The following DYTN variants were observed in gnomAD, a reference collection of about 807,000 sequenced individuals.
DYTN encodes the protein dystrotelin.
Under a neutral mutation model 69.6 loss-of-function variants are expected in DYTN, and 75 were observed. The observed-to-expected ratio is 1.08, with a 90% CI of 0.89 to 1.31. The LOEUF (loss-of-function observed/expected upper bound fraction) is 1.31. Among genes scored for constraint, DYTN ranks in the 50% most tolerant of loss-of-function variants. DYTN has a pLI of 0.00. For synonymous variants in DYTN, 252 were observed against 249.1 expected (o/e 1.01, Z -0.11); for missense variants, 726 against 688.4 (o/e 1.05, Z -0.61).
chr2:206,690,378 C>T (rs960958745), intron 9 of DYTN, among the ~76,000 whole-genome samples: 2 of 152,112 alleles, frequency 1.3e-5, no homozygotes, highest in African/African-American at 4.8e-5. Flanking sequence ...TAGGGCCAGG[C>T]TAAAGGCCAC....
At chr2:206,671,108 G>C (rs116437283) in intron 9 of DYTN, among the ~76,000 whole-genome samples, 1,918 of 152,160 alleles carry the variant, frequency 0.013, 45 homozygotes, top group African/African-American at 0.044. Flanking sequence ...GCAACCCCAG[G>C]ACAAGTTCTG....
chr2:206,690,386 C>G (rs1245392788), intron 9 of DYTN, among the ~76,000 whole-genome samples: 1 of 152,150 alleles, frequency 6.6e-6, no homozygotes, highest in African/African-American at 2.4e-5. Flanking sequence ...GGCTAAAGGC[C>G]ACTGGAAGGA....
chr2:206,677,440 A>T lies in DYTN; in HGVS notation c.981-11411T>A, dbSNP rs536609543. Among the ~76,000 whole-genome samples the T allele has an allele frequency of 6.7e-5, 10 of 148,972 alleles. No individual in the cohort carries two copies. In the South Asian group the frequency reaches 1.2e-3, roughly 19 times the overall value. On this transcript the variant is annotated intron_variant, in intron 9 of 11. Coordinates refer to ENST00000452335, the MANE Select transcript of DYTN (RefSeq NM_001093730.1). ...ATTAAAACACATTCTAAAATGACAA[A>T]TTTTTTGGTATATACTACAGGAACC... is the stretch of plus-strand genomic sequence containing the variant.
At chr2:206,691,323 G>T (rs1054492368) in intron 9 of DYTN, among the ~76,000 whole-genome samples, 5 of 152,060 alleles carry the variant, frequency 3.3e-5, no homozygotes, top group Non-Finnish European at 7.4e-5. Context: ...TGAGGCGGGA[G>T]AATTGCTTGA....
In DYTN at chr2:206,714,308, A is replaced by G. The variant is rs565018475; in HGVS notation, c.20-3710T>C. Reference sequence around the variant, plus strand: ...TGCTCCACCTCCCGGGTTCATGCCAATCTCCTGCCTCAGCCTCCCGAGTAG... The same window carrying G: ...TGCTCCACCTCCCGGGTTCATGCCAGTCTCCTGCCTCAGCCTCCCGAGTAG... On this transcript the variant is annotated intron_variant, in intron 1 of 11. Transcript: ENST00000452335. Among the ~76,000 whole-genome samples, 467 of 152,132 alleles carry G rather than the reference A, an allele frequency of 3.1e-3. 2 individuals are homozygous for G. The highest frequency in any genetic ancestry group is 3.4e-3 in the Middle Eastern group (1 of 294).
intron 10 of DYTN, 124 bp from the exon 11 acceptor site, chr2:206,663,519 A>G (rs1699536884): frequency 9.7e-7 from 1 of 1,027,282 alleles, no homozygotes; most frequent in Non-Finnish European, 1.3e-6. Context: ...CTCTGTAAAT[A>G]TATTATCATT....
At chr2:206,700,077 T>G (rs1209288627) in intron 6 of DYTN, 68 bp downstream of exon 6, 1 of 1,595,550 alleles carries the variant, frequency 6.3e-7, no homozygotes, top group African/African-American at 1.3e-5. Context: ...GTAATGTAAA[T>G]CAGTCAGCAA....
Position 206,693,216 on chromosome 2 carries a change from G to T in DYTN, c.939C>A (p.Asp313Glu). Residue 313 changes from aspartate to glutamate, a missense_variant, in exon 9 of 12, where the codon GAC (aspartate) becomes GAA (glutamate). By Grantham distance (45) the Asp-to-Glu change is conservative. Coordinates refer to ENST00000452335, the MANE Select transcript of DYTN (RefSeq NM_001093730.1). ...GAGGCACACCCTTTGGATTCACCTG[G>T]TCCAGCAGCTGCTGCCTTCTCGCTG... is the stretch of plus-strand genomic sequence containing the variant. The part of the protein sequence containing the change: ...KEAARRQQLL[D>E]QVNPKGVPHH... The T allele has an allele frequency of 6.2e-7, 1 of 1,613,212 alleles. No homozygotes were observed.
Position 206,672,550 on chromosome 2 carries a change from T to A in DYTN, c.981-6521A>T, listed in dbSNP as rs572249341. On this transcript the variant is annotated intron_variant, in intron 9 of 11. Transcript: ENST00000452335. ...AGGGGTGTCTCCTGGTGTCCCAGTCTGTATGAGCTGATGAGTAAAATGCAG... is the reference window on the plus strand; with the variant it reads ...AGGGGTGTCTCCTGGTGTCCCAGTCAGTATGAGCTGATGAGTAAAATGCAG... Among the ~76,000 whole-genome samples the A allele has an allele frequency of 3.9e-5, 6 of 152,344 alleles. No homozygotes were observed. The South Asian group carries it at 1.2e-3, about 32-fold the overall frequency.
chr2:206,682,681 C>T (rs1207365198), intron 9 of DYTN, among the ~76,000 whole-genome samples: 1 of 152,076 alleles, frequency 6.6e-6, no homozygotes, highest in Non-Finnish European at 1.5e-5. Flanking sequence ...AGTACAGACC[C>T]TTTTTTCCAA....
At position 206,694,782 on chromosome 2, in the gene DYTN, A is replaced by G. The variant is rs766356809; in HGVS notation, c.815T>C (p.Ile272Thr). 1.9e-5 allele frequency: 30 copies of G among 1,607,398 alleles called. No homozygotes were observed. Among genetic ancestry groups the G allele is most frequent in the African/African-American group, 4.0e-5 (3 of 74,466 alleles). The change falls in exon 8 of 12, where the codon ATT becomes ACT. Residue 272 changes from isoleucine (I) to threonine (T), a missense_variant. Physicochemically the swap from Ile to Thr is moderately conservative, Grantham distance 89. Coordinates refer to ENST00000452335, the MANE Select transcript of DYTN (RefSeq NM_001093730.1). ...SKSHQKSHPV[I>T]EHCIQMSAMQ... ...AAATGTTACCTGAATGCAGTGCTCA[A>G]TGACAGGATGAGACTTCTGATGGGA... is the stretch of plus-strand genomic sequence containing the variant.
At chr2:206,696,666 G>C (rs1699922885) in intron 7 of DYTN, among the ~76,000 whole-genome samples, 1 of 152,144 alleles carries the variant, frequency 6.6e-6, no homozygotes, top group African/African-American at 2.4e-5. Flanking sequence ...TACTTAGTAA[G>C]TAGTAGAAGA....
intron 9 of DYTN, among the ~76,000 whole-genome samples, chr2:206,681,565 C>G (rs10167218): frequency 6.6e-6 from 1 of 151,832 alleles, no homozygotes; most frequent in Non-Finnish European, 1.5e-5. Context: ...CCTAGTTTAT[C>G]GAGAGTTTTT....
intron 9 of DYTN, among the ~76,000 whole-genome samples, chr2:206,667,067 T>A (rs1349390269): frequency 6.6e-6 from 1 of 151,950 alleles, no homozygotes; most frequent in Admixed American, 6.6e-5. Context: ...AACCAAGTAG[T>A]CAAGGTAATC....
At chr2:206,675,348 A>C (rs1699674523) in intron 9 of DYTN, among the ~76,000 whole-genome samples, 1 of 148,760 alleles carries the variant, frequency 6.7e-6, no homozygotes, top group Admixed American at 6.7e-5. Flanking sequence ...TATTTTTTTC[A>C]GATTGTGTGA....
intron 3 of DYTN, 55 bp downstream of exon 3, chr2:206,707,247 C>A: frequency 6.4e-7 from 1 of 1,563,602 alleles, no homozygotes; most frequent in South Asian, 1.2e-5. Context: ...TGGTAAATGA[C>A]CACTGGAAAC....
At chr2:206,655,578 TA>T (rs1277525260) in intron 11 of DYTN, among the ~76,000 whole-genome samples, 103 of 148,068 alleles carry the variant, frequency 7.0e-4, no homozygotes, top group South Asian at 3.6e-3. Flanking sequence ...TCCAGCTAAT[TA>T]AAAAAAAATT....
chr2:206,716,845 G>A (rs1470348383), intron 1 of DYTN, among the ~76,000 whole-genome samples: 3 of 152,024 alleles, frequency 2.0e-5, no homozygotes, highest in African/African-American at 7.3e-5. Context: ...GTAGAGGAGC[G>A]ACTCTGTAGC....
intron 11 of DYTN, among the ~76,000 whole-genome samples, chr2:206,654,479 A>G (rs1699424368): frequency 6.6e-6 from 1 of 152,210 alleles, no homozygotes; most frequent in Non-Finnish European, 1.5e-5. Context: ...AGAATGCAAT[A>G]TATGATACAA....
Sources: gnomAD v4.1 joint callset for allele counts (sites outside exome capture counted in the v4.1 genomes callset) on GRCh38, gnomAD v4.1.1 for gene constraint, MANE v1.5 for transcripts, NCBI Gene and HGNC (gene_info 2026-07-23, HGNC 2026-07-21) for gene names.